The following NSMCE2 variants were observed in gnomAD, a reference collection of about 807,000 sequenced individuals.
The protein encoded by NSMCE2 is NSE2 SUMO ligase component of SMC5/6 complex.
A neutral mutation model predicts 23.8 loss-of-function variants in NSMCE2; 24 were observed. The ratio of observed to expected loss-of-function variants is 1.01; its 90% CI spans 0.73 to 1.42. The LOEUF is 1.42. Among genes scored for constraint, NSMCE2 ranks in the 40% most tolerant of loss-of-function variants. The pLI, the probability that NSMCE2 is intolerant of heterozygous loss-of-function variation, is 0.00. For missense variants in NSMCE2, 284 were observed against 296.5 expected, an observed-to-expected ratio of 0.96 and a Z score of 0.31; for synonymous variants, 92 against 94.1, an observed-to-expected ratio of 0.98 and a Z score of 0.13.
chr8:125,256,296 AAACT>A (rs889680734), intron 5 of NSMCE2, among the ~76,000 whole-genome samples: 2 of 151,920 alleles, frequency 1.3e-5, no homozygotes, highest in African/African-American at 2.4e-5. Context: ...AAAAAAAAAA[AAACT>A]AACTGATTAT....
At chr8:125,271,950 G>A (rs1048365737) in intron 5 of NSMCE2, among the ~76,000 whole-genome samples, 2 of 152,042 alleles carry the variant, frequency 1.3e-5, no homozygotes, top group South Asian at 2.1e-4. Context: ...AGAGATATTC[G>A]GTGACTTGGC....
At chr8:125,192,542 T>C (rs753985171) in intron 5 of NSMCE2, among the ~76,000 whole-genome samples, 3 of 152,094 alleles carry the variant, frequency 2.0e-5, no homozygotes, top group Non-Finnish European at 2.9e-5. Context: ...GGGAAAAAAC[T>C]GCGTATAGAA....
At chr8:125,223,480 T>G (rs6470344) in intron 5 of NSMCE2, among the ~76,000 whole-genome samples, 2 of 152,090 alleles carry the variant, frequency 1.3e-5, no homozygotes, top group South Asian at 2.1e-4. Flanking sequence ...ACCAATTTCA[T>G]TTCATTTGTA....
intron 5 of NSMCE2, among the ~76,000 whole-genome samples, chr8:125,202,724 T>C (rs961898086): frequency 6.6e-6 from 1 of 152,226 alleles, no homozygotes; most frequent in Non-Finnish European, 1.5e-5. Flanking sequence ...TTTATACATA[T>C]ACTTAAATTG....
intron 5 of NSMCE2, among the ~76,000 whole-genome samples, chr8:125,252,834 TAGTTCCGG>T (rs1467447374): frequency 6.6e-6 from 1 of 152,260 alleles, no homozygotes; most frequent in Non-Finnish European, 1.5e-5. Context: ...GTTAGATGGG[TAGTTCCGG>T]AGTTAAGAGC....
intron 5 of NSMCE2, among the ~76,000 whole-genome samples, chr8:125,342,555 C>T (rs1830289163): frequency 6.6e-6 from 1 of 152,170 alleles, no homozygotes; most frequent in Non-Finnish European, 1.5e-5. Context: ...TTCTACGATG[C>T]TGACTCAGTG....
At chr8:125,255,294 T>C (rs957148878) in intron 5 of NSMCE2, among the ~76,000 whole-genome samples, 10 of 152,166 alleles carry the variant, frequency 6.6e-5, no homozygotes, top group Non-Finnish European at 1.3e-4. Context: ...ACTGTTGAGT[T>C]AAGCCATAGA....
Position 125,302,636 on chromosome 8 carries a change from G to C in NSMCE2, c.419-54583G>C, listed in dbSNP as rs559175485. Among the ~76,000 whole-genome samples, 3 of 152,272 alleles carry C rather than the reference G, an allele frequency of 2.0e-5. No individual in the cohort carries two copies. In the South Asian group the frequency reaches 6.2e-4, roughly 32 times the overall value. On this transcript the variant is annotated intron_variant, in intron 5 of 7. Transcript: ENST00000287437. ...CTGTGTTATACTTCTTAATCAGATAGAACAAGAAGATTAGAACAATGATAT... is the reference window on the plus strand; with the variant it reads ...CTGTGTTATACTTCTTAATCAGATACAACAAGAAGATTAGAACAATGATAT...
At chr8:125,257,028 A>G (rs1486022295) in intron 5 of NSMCE2, among the ~76,000 whole-genome samples, 1 of 150,334 alleles carries the variant, frequency 6.7e-6, no homozygotes, top group East Asian at 2.0e-4. Context: ...CCGGGCCTGT[A>G]ATCGCAGCGC....
rs1347688898 is a variant in NSMCE2 at position 125,183,618 on chromosome 8, A to G, written c.418+1362A>G. Among the ~76,000 whole-genome samples, 6 of 145,396 alleles carry G rather than the reference A, an allele frequency of 4.1e-5. No homozygotes were observed. The South Asian group carries it at 1.1e-3, about 26-fold the overall frequency. ...ATATAGTCTTTACCTTTTATCCATG[A>G]TATTTATTACTCAGTGGTGTGTGTG... On this transcript the variant is annotated intron_variant, in intron 5 of 7. Transcript: ENST00000287437.
intron 5 of NSMCE2, among the ~76,000 whole-genome samples, chr8:125,206,415 G>A (rs1824120632): frequency 6.6e-6 from 1 of 152,208 alleles, no homozygotes; most frequent in Non-Finnish European, 1.5e-5. Flanking sequence ...AAGTCTGGTT[G>A]TGGTATATAG....
intron 5 of NSMCE2, among the ~76,000 whole-genome samples, chr8:125,282,910 A>G (rs939245590): frequency 3.3e-5 from 5 of 152,228 alleles, no homozygotes; most frequent in African/African-American, 1.2e-4. Context: ...AAACTATGAG[A>G]ATCGTTCTGA....
intron 5 of NSMCE2, among the ~76,000 whole-genome samples, chr8:125,217,045 C>T (rs554243666): frequency 5.3e-5 from 8 of 152,264 alleles, no homozygotes; most frequent in African/African-American, 1.9e-4. Flanking sequence ...ATTTATTAAG[C>T]ACCTATACTA....
chr8:125,191,367 G>A (rs1395501696), intron 5 of NSMCE2, among the ~76,000 whole-genome samples: 1 of 151,996 alleles, frequency 6.6e-6, no homozygotes, highest in Non-Finnish European at 1.5e-5. Context: ...ACTTTTGTGT[G>A]TTTTTTCTTT....
intron 5 of NSMCE2, among the ~76,000 whole-genome samples, chr8:125,340,024 T>G (rs947852621): frequency 6.9e-6 from 1 of 144,270 alleles, no homozygotes; most frequent in Non-Finnish European, 1.5e-5. Context: ...TTTTTTTTTT[T>G]TTTTTTTTGA....
intron 5 of NSMCE2, among the ~76,000 whole-genome samples, chr8:125,208,534 C>G (rs1379231780): frequency 6.6e-6 from 1 of 152,092 alleles, no homozygotes; most frequent in Non-Finnish European, 1.5e-5. Flanking sequence ...ATGACCTAGT[C>G]CTTTTAGTGG....
At chr8:125,188,804 G>A (rs1339412918) in intron 5 of NSMCE2, among the ~76,000 whole-genome samples, 1 of 152,200 alleles carries the variant, frequency 6.6e-6, no homozygotes, top group African/African-American at 2.4e-5. Context: ...GTAGAAACCT[G>A]TTGGGTTCTA....
At chr8:125,340,864 A>G (rs1207069322) in intron 5 of NSMCE2, among the ~76,000 whole-genome samples, 1 of 152,190 alleles carries the variant, frequency 6.6e-6, no homozygotes, top group South Asian at 2.1e-4. Flanking sequence ...ATTTCATTCT[A>G]TTGCTCCTAA....
chr8:125,121,513 C>T lies in NSMCE2; in HGVS notation c.157+19026C>T, dbSNP rs1169230192. Among the ~76,000 whole-genome samples the T allele has an allele frequency of 3.9e-5, 6 of 152,138 alleles. No individual in the cohort carries two copies. The East Asian group carries it at 1.2e-3, about 29-fold the overall frequency. ...TTAGCAGATAAGGCAAATAGGTATC[C>T]ATGCAAAGATCAGGAGAACTACATG... is the stretch of plus-strand genomic sequence containing the variant. On this transcript the variant is annotated intron_variant, in intron 3 of 7. Transcript: ENST00000287437.
Sources: allele counts gnomAD v4.1 joint callset (sites outside exome capture counted in the v4.1 genomes callset), GRCh38; gene constraint gnomAD v4.1.1; transcripts MANE v1.5; gene names NCBI Gene and HGNC (gene_info 2026-07-23, HGNC 2026-07-21).